Variants in SLC25A21 observed in about 807,000 individuals in gnomAD.
SLC25A21 encodes the protein mitochondrial 2-oxodicarboxylate carrier.
A neutral mutation model predicts 43.8 loss-of-function variants in SLC25A21; 47 were observed. That is an observed-to-expected ratio of 1.07 (90% CI 0.85 to 1.37). The LOEUF is 1.37. Ranked by LOEUF, SLC25A21 falls within the 40% of genes most tolerant of loss-of-function variation. The pLI is 0.00. For synonymous variants in SLC25A21, 131 were observed against 121.3 expected (o/e 1.08, Z -0.52); for missense variants, 352 against 350.2 (o/e 1.00, Z -0.04).
chr14:36,934,756 G>T (rs1014416201), intron 1 of SLC25A21, among the ~76,000 whole-genome samples: 1 of 152,018 alleles, frequency 6.6e-6, no homozygotes, highest in South Asian at 2.1e-4. Context: ...AAGAAGGGCT[G>T]AGATTTTTAA....
At chr14:36,738,660 T>A (rs1380851487) in intron 3 of SLC25A21, among the ~76,000 whole-genome samples, 1 of 152,240 alleles carries the variant, frequency 6.6e-6, no homozygotes, top group Non-Finnish European at 1.5e-5. Context: ...GGAAGAGGCA[T>A]GAGAGCTACT....
chr14:36,873,207 C>A (rs560369878), intron 2 of SLC25A21, among the ~76,000 whole-genome samples: 3 of 152,118 alleles, frequency 2.0e-5, no homozygotes, highest in Non-Finnish European at 2.9e-5. Flanking sequence ...CTTTCTGTTT[C>A]AGAACCTTGT....
intron 1 of SLC25A21, among the ~76,000 whole-genome samples, chr14:37,155,800 T>C (rs1207915845): frequency 6.6e-6 from 1 of 152,132 alleles, no homozygotes; most frequent in East Asian, 1.9e-4. Context: ...AGATTGGACC[T>C]AGAAGAAATG....
chr14:37,010,811 G>A (rs1387392922), intron 1 of SLC25A21, among the ~76,000 whole-genome samples: 1 of 152,070 alleles, frequency 6.6e-6, no homozygotes, highest in Non-Finnish European at 1.5e-5. Context: ...GTGGTGTAAT[G>A]AGAGATCAGT....
chr14:37,044,572 C>T (rs8014914), intron 1 of SLC25A21, among the ~76,000 whole-genome samples: 52,422 of 151,990 alleles, frequency 0.34, 9,413 homozygotes, highest in African/African-American at 0.42. Flanking sequence ...GGAACTTCTG[C>T]CCCTCCTATA....
chr14:37,134,544 C>T (rs1187570841), intron 1 of SLC25A21, among the ~76,000 whole-genome samples: 1 of 151,514 alleles, frequency 6.6e-6, no homozygotes, highest in Non-Finnish European at 1.5e-5. Context: ...ACTTGGGAGG[C>T]TGAGGTGGGA....
At chr14:36,825,758 T>A (rs1300231857) in intron 2 of SLC25A21, among the ~76,000 whole-genome samples, 3 of 152,184 alleles carry the variant, frequency 2.0e-5, no homozygotes, top group Non-Finnish European at 2.9e-5. Flanking sequence ...CCTAAAATAC[T>A]AAAAATTAAA....
chr14:37,128,195 G>A (rs1431052450), intron 1 of SLC25A21, among the ~76,000 whole-genome samples: 2 of 152,140 alleles, frequency 1.3e-5, no homozygotes, highest in Non-Finnish European at 2.9e-5. Flanking sequence ...TGTTTAAGCC[G>A]AGGGATGCCT....
intron 1 of SLC25A21, among the ~76,000 whole-genome samples, chr14:36,901,609 AATATTATTTTTT>A (rs1222288077): frequency 5.3e-5 from 8 of 152,238 alleles, no homozygotes; most frequent in African/African-American, 1.7e-4. Flanking sequence ...AAAACATAAA[AATATTATTTTTT>A]ATTTTGGTTT....
Position 36,678,366 on chromosome 14 carries a change from G to C in SLC25A21, c.*2292C>G, listed in dbSNP as rs1010632867. ...ATTTCTAAAGCAACCGAAATTCAGT[G>C]CTACAAATAGAGGATTATAACTTCA... is the stretch of plus-strand genomic sequence containing the variant. On this transcript the variant is annotated 3_prime_UTR_variant, in exon 10 of 10. Transcript: ENST00000331299. The C allele has an allele frequency of 2.2e-6, 2 of 895,278 alleles. No homozygotes were observed. Among genetic ancestry groups the C allele is most frequent in the African/African-American group, 1.7e-5 (1 of 59,854 alleles). 55.5% of individuals were successfully genotyped at this position (895,278 alleles called of 1,614,324 possible).
intron 1 of SLC25A21, among the ~76,000 whole-genome samples, chr14:36,925,833 C>A (rs1165499519): frequency 2.0e-5 from 3 of 151,936 alleles, no homozygotes; most frequent in Non-Finnish European, 4.4e-5. Flanking sequence ...GGTGACAGAG[C>A]AAGACTCCAT....
At chr14:36,866,383 C>A (rs848041) in intron 2 of SLC25A21, among the ~76,000 whole-genome samples, 1 of 151,898 alleles carries the variant, frequency 6.6e-6, no homozygotes, top group Non-Finnish European at 1.5e-5. Context: ...TGATTCAGGG[C>A]GAAACAGAAC....
rs966959723 is a variant in SLC25A21 at position 36,678,137 on chromosome 14, G to A, written c.*2521C>T. On this transcript the variant is annotated 3_prime_UTR_variant, in exon 10 of 10. Transcript: ENST00000331299. ...CCCTAGGTGATTTTAATTTCTTCCG[G>A]TCTGTGCTGTGCACAGTCTACATGG... The A allele has an allele frequency of 1.5e-5, 4 of 264,820 alleles. No individual in the cohort carries two copies. The highest frequency in any genetic ancestry group is 9.6e-5 in the Admixed American group (2 of 20,738). The allele number at this position is 264,820 out of a possible 1,614,324, so 16.4% of individuals were successfully genotyped here. A position where few individuals can be genotyped will look rare whatever the true frequency, so the allele number is the denominator to read the frequency against.
chr14:36,705,164 C>T (rs2139177291), intron 7 of SLC25A21, among the ~76,000 whole-genome samples: 1 of 152,076 alleles, frequency 6.6e-6, no homozygotes, highest in East Asian at 1.9e-4. Flanking sequence ...CCTTAGCCTC[C>T]CAAGTAGCTG....
At chr14:36,690,477 T>G (rs1882749940) in intron 7 of SLC25A21, among the ~76,000 whole-genome samples, 1 of 152,206 alleles carries the variant, frequency 6.6e-6, no homozygotes, top group African/African-American at 2.4e-5. Flanking sequence ...CAGCTCCTTC[T>G]GACTCCCAAG....
At chr14:36,813,826 C>T in intron 3 of SLC25A21, 92 bp downstream of exon 3, 2 of 883,056 alleles carry the variant, frequency 2.3e-6, no homozygotes, top group Non-Finnish European at 1.8e-6. Flanking sequence ...AAGTATTTTG[C>T]CCCTAGTAAG....
chr14:36,845,480 A>G (rs1424164856), intron 2 of SLC25A21, among the ~76,000 whole-genome samples: 1 of 152,246 alleles, frequency 6.6e-6, no homozygotes, highest in African/African-American at 2.4e-5. Flanking sequence ...CTTAGATGCC[A>G]TAAGTCAAGT....
intron 1 of SLC25A21, among the ~76,000 whole-genome samples, chr14:37,037,579 C>T (rs1211114155): frequency 8.6e-6 from 1 of 116,364 alleles, no homozygotes; most frequent in Non-Finnish European, 1.7e-5. Context: ...TTCTTTTATC[C>T]TATTTAAAAA....
intron 1 of SLC25A21, among the ~76,000 whole-genome samples, chr14:36,942,305 A>G (rs559620024): frequency 8.5e-5 from 13 of 152,300 alleles, no homozygotes; most frequent in Non-Finnish European, 1.6e-4. Context: ...ATAAATACAC[A>G]AAAATATGCC....
Sources: allele counts gnomAD v4.1 joint callset (sites outside exome capture counted in the v4.1 genomes callset), GRCh38; gene constraint gnomAD v4.1.1; transcripts MANE v1.5; gene names NCBI Gene and HGNC (gene_info 2026-07-23, HGNC 2026-07-21).